Variants in ADAMTSL3 observed in about 807,000 individuals in gnomAD.
ADAMTSL3 encodes the protein ADAMTS-like protein 3.
A neutral mutation model predicts 201.7 loss-of-function variants in ADAMTSL3; 128 were observed. That is an observed-to-expected ratio of 0.63 (90% CI 0.55 to 0.73). The LOEUF (loss-of-function observed/expected upper bound fraction) is 0.73. Ranked by LOEUF, ADAMTSL3 falls within the 30% of genes least tolerant of loss-of-function variation. The pLI is 0.00. For synonymous variants in ADAMTSL3, 738 were observed against 748.4 expected (o/e 0.99, Z 0.23); for missense variants, 1,990 against 2,119.6 (o/e 0.94, Z 1.20).
chr15:83,895,461 A>G (rs2065593180), intron 13 of ADAMTSL3, among the ~76,000 whole-genome samples: 1 of 152,208 alleles, frequency 6.6e-6, no homozygotes, highest in African/African-American at 2.4e-5. Context: ...ATCAGAATAG[A>G]GGATGTTAAC....
At chr15:83,683,859 GT>G (rs898241034) in intron 2 of ADAMTSL3, among the ~76,000 whole-genome samples, 79 of 152,322 alleles carry the variant, frequency 5.2e-4, no homozygotes, top group African/African-American at 1.8e-3. Flanking sequence ...TCATACAGCT[GT>G]GTTTTTCCCT....
chr15:83,892,887 A>T lies in ADAMTSL3; in HGVS notation c.1466A>T (p.Gln489Leu). The stretch of plus-strand genomic sequence containing the variant: ...AAGTGGATTGCCATGGAGTGGTCTC[A>T]GGTAAGATTTGAGAATATGCCACTT... ...CPKWIAMEWS[Q>L]CTVTCGRGLR... Residue 489 changes from glutamine (Q) to leucine (L), a missense_variant and splice_region_variant, in exon 13 of 30, where the codon CAG (glutamine) becomes CTG (leucine). Transcript: ENST00000286744. 6.2e-7 allele frequency: 1 copy of T among 1,613,440 alleles called. No homozygotes were observed. Among genetic ancestry groups the T allele is most frequent in the African/African-American group, 1.3e-5 (1 of 75,030 alleles).
chr15:83,857,335 T>TC (rs113628200), intron 7 of ADAMTSL3, among the ~76,000 whole-genome samples: 2 of 152,142 alleles, frequency 1.3e-5, no homozygotes, highest in South Asian at 2.1e-4. Flanking sequence ...TCAAATTTAG[T>TC]TTTTTTTCAT....
chr15:83,822,254 C>G (rs1424041142), intron 6 of ADAMTSL3, among the ~76,000 whole-genome samples: 2 of 142,220 alleles, frequency 1.4e-5, no homozygotes, highest in Non-Finnish European at 3.1e-5. Flanking sequence ...GGCTGCTGGG[C>G]GGAGGGGCTC....
intron 2 of ADAMTSL3, among the ~76,000 whole-genome samples, chr15:83,675,310 AT>A: frequency 6.6e-6 from 1 of 152,032 alleles, no homozygotes; most frequent in South Asian, 2.1e-4. Flanking sequence ...CCATGGAAGA[AT>A]TTTTTTTAAA....
intron 17 of ADAMTSL3, among the ~76,000 whole-genome samples, chr15:83,925,526 A>G (rs2066229702): frequency 6.6e-6 from 1 of 152,316 alleles, no homozygotes; most frequent in Admixed American, 6.5e-5. Context: ...ATTCCAGAGT[A>G]ATCCACGCTA....
At chr15:83,755,571 A>G (rs2062706529) in intron 3 of ADAMTSL3, among the ~76,000 whole-genome samples, 1 of 152,172 alleles carries the variant, frequency 6.6e-6, no homozygotes, top group Non-Finnish European at 1.5e-5. Context: ...AAGTTCATCC[A>G]TGTTGTAGCC....
In ADAMTSL3 at chr15:84,014,453, G is replaced by A. The variant is rs1037864378; in HGVS notation, c.3974-89G>A. On this transcript the variant is annotated intron_variant, in intron 23 of 29. Coordinates refer to ENST00000286744, the MANE Select transcript of ADAMTSL3 (RefSeq NM_207517.3). ...TGATTAAACCCATATGCTGACTTAC[G>A]GTCAAAACAGTGAATGGTATTTGTC... is the stretch of plus-strand genomic sequence containing the variant. 4.0e-5 allele frequency: 50 copies of A among 1,238,290 alleles called. No individual in the cohort carries two copies. In the African/African-American group the frequency reaches 5.6e-4, roughly 14 times the overall value. The allele number at this position is 1,238,290 out of a possible 1,614,324, so 76.7% of individuals were successfully genotyped here. A position where few individuals can be genotyped will look rare whatever the true frequency, so the allele number is the denominator to read the frequency against.
intron 2 of ADAMTSL3, among the ~76,000 whole-genome samples, chr15:83,703,189 T>C (rs917970181): frequency 3.3e-5 from 5 of 152,226 alleles, no homozygotes; most frequent in African/African-American, 1.2e-4. Context: ...ATCCAATACC[T>C]ATACCCTCAT....
At chr15:84,004,587 T>C (rs2067858106) in intron 23 of ADAMTSL3, among the ~76,000 whole-genome samples, 1 of 151,848 alleles carries the variant, frequency 6.6e-6, no homozygotes. Context: ...TAAACTCAAA[T>C]TAGGAGTGAA....
Position 83,982,776 on chromosome 15 carries a change from A to G in ADAMTSL3, c.3148A>G (p.Ile1050Val). ...KNDLYLDDDHISNQPFLRALL... is the reference protein window; with the variant it reads ...KNDLYLDDDHVSNQPFLRALL... ...TGACCTTTATCTGGATGATGACCAC[A>G]TTAGTAACCAGCCTTTCTTGAGAGC... is the stretch of plus-strand genomic sequence containing the variant. The change falls in exon 21 of 30, where the codon ATT becomes GTT. Residue 1050 changes from isoleucine to valine, a missense_variant. Transcript: ENST00000286744. 2 of 1,614,146 alleles carry G rather than the reference A, an allele frequency of 1.2e-6. No homozygotes were observed. Among genetic ancestry groups the G allele is most frequent in the Non-Finnish European group, 1.7e-6 (2 of 1,180,036 alleles).
chr15:83,988,429 A>T (rs1008329403), intron 21 of ADAMTSL3, among the ~76,000 whole-genome samples: 10 of 152,198 alleles, frequency 6.6e-5, no homozygotes, highest in African/African-American at 2.4e-4. Context: ...GTCTTTTCTC[A>T]TGTAAAGTGG....
At chr15:83,938,862 T>G (rs2066505958) in intron 17 of ADAMTSL3, among the ~76,000 whole-genome samples, 1 of 152,224 alleles carries the variant, frequency 6.6e-6, no homozygotes, top group African/African-American at 2.4e-5. Context: ...TAACTGGTAT[T>G]GCTATTTTTT....
intron 2 of ADAMTSL3, among the ~76,000 whole-genome samples, chr15:83,689,216 A>C (rs1235241040): frequency 1.3e-5 from 2 of 152,238 alleles, no homozygotes. Flanking sequence ...GTAGTGCCCA[A>C]CTGCACAATA....
At chr15:83,982,099 A>G (rs1422741436) in intron 20 of ADAMTSL3, among the ~76,000 whole-genome samples, 174 bp from the exon 21 acceptor site, 2 of 152,172 alleles carry the variant, frequency 1.3e-5, no homozygotes, top group African/African-American at 4.8e-5. Context: ...TGTGAAATTT[A>G]CCCCAATCTG....
At chr15:83,789,294 T>C (rs2063309290) in intron 4 of ADAMTSL3, among the ~76,000 whole-genome samples, 2 of 152,206 alleles carry the variant, frequency 1.3e-5, no homozygotes, top group Non-Finnish European at 2.9e-5. Context: ...GTTCCTTGAA[T>C]TTTTAGGAAT....
At chr15:83,909,801 A>G (rs993516060) in intron 15 of ADAMTSL3, among the ~76,000 whole-genome samples, 1 of 151,992 alleles carries the variant, frequency 6.6e-6, no homozygotes, top group Admixed American at 6.6e-5. Flanking sequence ...TTTTTAGTAG[A>G]GACGGAATCT....
At chr15:83,928,243 G>C (rs1426974311) in intron 17 of ADAMTSL3, among the ~76,000 whole-genome samples, 1 of 152,078 alleles carries the variant, frequency 6.6e-6, no homozygotes, top group Non-Finnish European at 1.5e-5. Flanking sequence ...TTGACCTCCT[G>C]GGCTCAAGAC....
chr15:83,845,121 G>A (rs765990209), intron 7 of ADAMTSL3, among the ~76,000 whole-genome samples: 6 of 152,178 alleles, frequency 3.9e-5, no homozygotes, highest in Non-Finnish European at 7.3e-5. Flanking sequence ...CTTTCTCAAC[G>A]TTGAGCACAA....
Sources: gnomAD v4.1 joint callset for allele counts (sites outside exome capture counted in the v4.1 genomes callset) on GRCh38, gnomAD v4.1.1 for gene constraint, MANE v1.5 for transcripts, NCBI Gene and HGNC (gene_info 2026-07-23, HGNC 2026-07-21) for gene names.